Variants in GRIA4 observed in about 807,000 individuals in gnomAD.
The protein encoded by GRIA4 is glutamate receptor 4.
A neutral mutation model predicts 104.0 loss-of-function variants in GRIA4; 34 were observed. The observed-to-expected ratio is 0.33, with a 90% CI of 0.25 to 0.44. The LOEUF (loss-of-function observed/expected upper bound fraction) is 0.44. GRIA4 is among the 20% of genes least tolerant of loss of function. The probability of loss-of-function intolerance (pLI) is 1.00; values close to 1 mark genes in which losing one functional copy is unlikely to be tolerated. For missense variants in GRIA4, 750 were observed against 1,096.5 expected (o/e 0.68, Z 4.46); for synonymous variants, 386 against 381.9 (o/e 1.01, Z -0.13).
At chr11:105,692,963 T>C (rs1472037349) in intron 3 of GRIA4, among the ~76,000 whole-genome samples, 1 of 152,220 alleles carries the variant, frequency 6.6e-6, no homozygotes, top group Non-Finnish European at 1.5e-5. Context: ...ACACACACGC[T>C]AGACTCTGAA....
At chr11:105,787,297 T>C (rs561329129) in intron 4 of GRIA4, among the ~76,000 whole-genome samples, 2 of 152,176 alleles carry the variant, frequency 1.3e-5, no homozygotes, top group South Asian at 4.1e-4. Context: ...CCCCAATCAA[T>C]TAAAGTACAT....
chr11:105,730,540 A>T (rs914437000), intron 3 of GRIA4, among the ~76,000 whole-genome samples: 1 of 152,178 alleles, frequency 6.6e-6, no homozygotes, highest in Non-Finnish European at 1.5e-5. Flanking sequence ...TAAATTTCAT[A>T]TGGAACCGAA....
intron 4 of GRIA4, among the ~76,000 whole-genome samples, chr11:105,767,209 T>C (rs557623596): frequency 3.9e-4 from 59 of 152,110 alleles, no homozygotes; most frequent in African/African-American, 1.3e-3. Context: ...ACTGAATAGT[T>C]ATGGGGGAGG....
In GRIA4 at chr11:105,694,153, ATT is replaced by A. The variant is rs11317726; in HGVS notation, c.248-58814_248-58813del. ...TGCATTTTTAAGAAGAAACAAGCTA[ATT>A]TTTTTTTTTTTTTAGATGGAGTCTC... is the stretch of plus-strand genomic sequence containing the variant. On this transcript the variant is annotated intron_variant, in intron 3 of 16. Transcript: ENST00000282499. Among the ~76,000 whole-genome samples the A allele has an allele frequency of 5.5e-3, 802 of 147,098 alleles. 7 individuals carry two copies. Among genetic ancestry groups the A allele is most frequent in the African/African-American group, 0.017 (690 of 40,048 alleles).
chr11:105,611,859 T>C (rs1285181291), intron 2 of GRIA4, among the ~76,000 whole-genome samples: 1 of 152,196 alleles, frequency 6.6e-6, no homozygotes. Context: ...TAAAGTTCAT[T>C]TCTTCTTTCT....
intron 4 of GRIA4, among the ~76,000 whole-genome samples, chr11:105,858,489 ATTCT>A (rs1389830946): frequency 6.6e-6 from 1 of 152,140 alleles, no homozygotes; most frequent in Non-Finnish European, 1.5e-5. Context: ...TCAAGCATTT[ATTCT>A]TTCTTTATGT....
intron 9 of GRIA4, among the ~76,000 whole-genome samples, chr11:105,909,160 A>T (rs1947144314): frequency 6.6e-6 from 1 of 152,130 alleles, no homozygotes; most frequent in South Asian, 2.1e-4. Flanking sequence ...TTGTTATTGA[A>T]TTATATATGC....
chr11:105,819,880 T>A (rs886274306), intron 4 of GRIA4, among the ~76,000 whole-genome samples: 1 of 152,122 alleles, frequency 6.6e-6, no homozygotes, highest in Non-Finnish European at 1.5e-5. Context: ...TTAGTTAAGA[T>A]GAAGCCATCC....
At chr11:105,646,491 G>A (rs985702711) in intron 3 of GRIA4, among the ~76,000 whole-genome samples, 1 of 152,046 alleles carries the variant, frequency 6.6e-6, no homozygotes, top group Non-Finnish European at 1.5e-5. Context: ...AAATAACAGA[G>A]CTGGAGGCAT....
intron 3 of GRIA4, among the ~76,000 whole-genome samples, chr11:105,727,139 A>G (rs1938263734): frequency 6.6e-6 from 1 of 152,016 alleles, no homozygotes; most frequent in African/African-American, 2.4e-5. Context: ...AGAACTTGGA[A>G]AAAAGGTTAG....
At chr11:105,954,028 G>C (rs1180321116) in intron 14 of GRIA4, among the ~76,000 whole-genome samples, 1 of 152,116 alleles carries the variant, frequency 6.6e-6, no homozygotes, top group African/African-American at 2.4e-5. Flanking sequence ...GTGTGAAACA[G>C]CAAGTCTTCT....
chr11:105,695,034 T>C lies in GRIA4; in HGVS notation c.248-57947T>C, dbSNP rs183788571. Among the ~76,000 whole-genome samples the C allele has an allele frequency of 1.2e-4, 18 of 152,310 alleles. No individual in the cohort carries two copies. In the East Asian group the frequency reaches 3.5e-3, roughly 29 times the overall value. On this transcript the variant is annotated intron_variant, in intron 3 of 16. Transcript: ENST00000282499. ...GTGCAAGGGTACATAGCTAGTTCAG[T>C]AGGAAGTCTGAACCCAAGATCTTAT...
intron 3 of GRIA4, among the ~76,000 whole-genome samples, chr11:105,719,045 T>A (rs1308144034): frequency 6.6e-6 from 1 of 152,154 alleles, no homozygotes; most frequent in Non-Finnish European, 1.5e-5. Flanking sequence ...CTCTCTTGTT[T>A]TTTTTAAATT....
chr11:105,755,725 T>C (rs796620720), intron 4 of GRIA4, among the ~76,000 whole-genome samples: 3 of 152,190 alleles, frequency 2.0e-5, no homozygotes, highest in African/African-American at 7.2e-5. Flanking sequence ...TTCTTACTAG[T>C]GTAGGTGGGC....
chr11:105,967,268 G>A (rs560064182), intron 14 of GRIA4, among the ~76,000 whole-genome samples: 12 of 152,074 alleles, frequency 7.9e-5, no homozygotes, highest in African/African-American at 1.4e-4. Flanking sequence ...CCATTTTAGC[G>A]TGCATTAAAG....
At chr11:105,819,651 G>A (rs1943507431) in intron 4 of GRIA4, among the ~76,000 whole-genome samples, 1 of 151,974 alleles carries the variant, frequency 6.6e-6, no homozygotes, top group African/African-American at 2.4e-5. Flanking sequence ...GGGGGTAAGG[G>A]TAGATAAAAT....
intron 3 of GRIA4, among the ~76,000 whole-genome samples, chr11:105,728,090 T>A (rs533060610): frequency 8.6e-4 from 131 of 151,978 alleles, no homozygotes; most frequent in Non-Finnish European, 1.7e-3. Flanking sequence ...GCAAACTGGA[T>A]AGAATCAAGA....
chr11:105,924,759 A>G lies in GRIA4; in HGVS notation c.1837A>G (p.Ile613Val). 1.2e-6 allele frequency: 2 copies of G among 1,602,156 alleles called. No individual in the cohort carries two copies. Among genetic ancestry groups the G allele is most frequent in the Non-Finnish European group, 1.7e-6 (2 of 1,174,118 alleles). ...LGAFMQQGCD[I>V]SPRSLSGRIV... ...TGCTTTTATGCAGCAAGGATGTGAC[A>G]TTTCACCCAGGTTAGTTTCAAATCT... The change falls in exon 12 of 17, where the codon ATT (isoleucine) becomes GTT (valine). Residue 613 changes from isoleucine (I) to valine (V), a missense_variant. Physicochemically the swap from Ile to Val is conservative, Grantham distance 29. Transcript: ENST00000282499.
intron 14 of GRIA4, among the ~76,000 whole-genome samples, chr11:105,951,456 A>T (rs1009799688): frequency 3.3e-5 from 5 of 152,228 alleles, no homozygotes; most frequent in Non-Finnish European, 5.9e-5. Context: ...GCATGGTCTC[A>T]TTTGAAACAA....
Sources: gnomAD v4.1 joint callset for allele counts (sites outside exome capture counted in the v4.1 genomes callset) on GRCh38, gnomAD v4.1.1 for gene constraint, MANE v1.5 for transcripts, NCBI Gene and HGNC (gene_info 2026-07-23, HGNC 2026-07-21) for gene names.